Variants in ROBO2 observed in about 807,000 individuals in gnomAD.
The protein encoded by ROBO2 is roundabout guidance receptor 2.
A neutral mutation model predicts 160.8 loss-of-function variants in ROBO2; 53 were observed. The observed-to-expected ratio is 0.33, with a 90% CI of 0.26 to 0.41. ROBO2 has a LOEUF of 0.41. Ranked by LOEUF, ROBO2 falls within the 10% of genes least tolerant of loss-of-function variation. ROBO2 has a pLI of 1.00. For missense variants in ROBO2, 1,577 were observed against 1,722.4 expected (o/e 0.92, Z 1.49); for synonymous variants, 664 against 611.7 (o/e 1.09, Z -1.26).
intron 2 of ROBO2, among the ~76,000 whole-genome samples, chr3:76,214,164 A>G (rs1281687023): frequency 4.6e-5 from 7 of 152,198 alleles, no homozygotes; most frequent in Admixed American, 2.6e-4. Flanking sequence ...TTGCTCTTCA[A>G]ATAAAGACAA....
chr3:76,371,129 T>C (rs2076078346), intron 2 of ROBO2, among the ~76,000 whole-genome samples: 1 of 151,972 alleles, frequency 6.6e-6, no homozygotes, highest in Non-Finnish European at 1.5e-5. Flanking sequence ...TGTATGTGTA[T>C]ACATTTATGA....
intron 2 of ROBO2, among the ~76,000 whole-genome samples, chr3:76,446,509 A>C (rs1205581415): frequency 6.6e-6 from 1 of 152,128 alleles, no homozygotes; most frequent in African/African-American, 2.4e-5. Context: ...CAAGCTACCA[A>C]TGACTTTCTT....
chr3:75,923,372 GC>G (rs1204766608), intron 1 of ROBO2, among the ~76,000 whole-genome samples: 2 of 152,174 alleles, frequency 1.3e-5, no homozygotes, highest in Admixed American at 6.5e-5. Flanking sequence ...ATATGTTTCT[GC>G]ATTTACACAG....
At chr3:76,863,720 G>T (rs2071065582) in intron 2 of ROBO2, among the ~76,000 whole-genome samples, 1 of 151,934 alleles carries the variant, frequency 6.6e-6, no homozygotes, top group African/African-American at 2.4e-5. Flanking sequence ...TGAATTGCTA[G>T]CCATATGAAA....
At chr3:76,168,588 C>A (rs2072921003) in intron 2 of ROBO2, among the ~76,000 whole-genome samples, 2 of 152,094 alleles carry the variant, frequency 1.3e-5, no homozygotes, top group African/African-American at 4.8e-5. Flanking sequence ...TCATCCCTTA[C>A]AAATCCACAT....
intron 2 of ROBO2, among the ~76,000 whole-genome samples, chr3:76,283,355 A>G (rs62261400): frequency 0.024 from 3,674 of 151,510 alleles, 62 homozygotes; most frequent in South Asian, 0.066. Context: ...TAACAGTCTC[A>G]TATGCAATAG....
intron 2 of ROBO2, among the ~76,000 whole-genome samples, chr3:77,412,226 A>C (rs1419904914): frequency 2.0e-5 from 3 of 152,168 alleles, no homozygotes; most frequent in Non-Finnish European, 4.4e-5. Flanking sequence ...TCCCTGACAA[A>C]AGGACAAAGC....
At chr3:76,356,644 C>T (rs13068118) in intron 2 of ROBO2, among the ~76,000 whole-genome samples, 69,669 of 151,224 alleles carry the variant, frequency 0.46, 17,971 homozygotes, top group East Asian at 0.66. Context: ...CTTCACAAAG[C>T]CAAAAATTGA....
intron 25 of ROBO2, among the ~76,000 whole-genome samples, chr3:77,645,510 C>T (rs1193484645): frequency 6.6e-6 from 1 of 152,134 alleles, no homozygotes; most frequent in East Asian, 1.9e-4. Context: ...AAATGTTGAA[C>T]TCCTTGTGTT....
intron 2 of ROBO2, among the ~76,000 whole-genome samples, chr3:76,442,555 A>G (rs1429531567): frequency 1.3e-5 from 2 of 152,144 alleles, no homozygotes; most frequent in Non-Finnish European, 2.9e-5. Context: ...CCCTTTATTC[A>G]CGGTTTCACT....
At chr3:76,297,706 TAAAAAA>T (rs71277576) in intron 2 of ROBO2, among the ~76,000 whole-genome samples, 4 of 56,660 alleles carry the variant, frequency 7.1e-5, no homozygotes, top group Non-Finnish European at 1.1e-4. Context: ...CTGCTTTCCT[TAAAAAA>T]AAAAAAAAAA....
intron 2 of ROBO2, among the ~76,000 whole-genome samples, chr3:76,414,952 T>A (rs550493525): frequency 4.6e-5 from 7 of 152,208 alleles, no homozygotes; most frequent in African/African-American, 1.4e-4. Flanking sequence ...TCAATTGAAT[T>A]TCTGTCCTCA....
At chr3:77,206,727 A>C (rs1327347077) in intron 2 of ROBO2, among the ~76,000 whole-genome samples, 1 of 152,268 alleles carries the variant, frequency 6.6e-6, no homozygotes, top group Admixed American at 6.5e-5. Context: ...GCATGAAATT[A>C]ATTTAGTAGT....
At chr3:77,479,535 A>C (rs1282716923) in intron 3 of ROBO2, among the ~76,000 whole-genome samples, 4 of 152,118 alleles carry the variant, frequency 2.6e-5, no homozygotes, top group Non-Finnish European at 5.9e-5. Flanking sequence ...AGTGCTCAGA[A>C]AGCCAAAGCA....
intron 2 of ROBO2, among the ~76,000 whole-genome samples, chr3:75,949,459 C>A (rs1034423335): frequency 6.6e-6 from 1 of 152,068 alleles, no homozygotes; most frequent in Admixed American, 6.6e-5. Flanking sequence ...ACTGATTTCA[C>A]ATGTCATGTA....
chr3:76,271,840 A>C (rs1456678347), intron 2 of ROBO2, among the ~76,000 whole-genome samples: 1 of 152,024 alleles, frequency 6.6e-6, no homozygotes, highest in Non-Finnish European at 1.5e-5. Flanking sequence ...ATAAAATCAG[A>C]CTCGATAAAT....
At chr3:75,976,286 A>G (rs1013847554) in intron 2 of ROBO2, among the ~76,000 whole-genome samples, 1 of 151,658 alleles carries the variant, frequency 6.6e-6, no homozygotes, top group East Asian at 1.9e-4. Flanking sequence ...ATAGCCACAC[A>G]CTGGAGATCA....
At chr3:76,965,669 T>C (rs1469188863) in intron 2 of ROBO2, among the ~76,000 whole-genome samples, 1 of 122,748 alleles carries the variant, frequency 8.1e-6, no homozygotes, top group African/African-American at 2.8e-5. Context: ...CTATCAAAGG[T>C]AAAAAAAAAA....
intron 2 of ROBO2, among the ~76,000 whole-genome samples, chr3:76,253,261 AG>A (rs1410726428): frequency 2.0e-5 from 3 of 151,912 alleles, no homozygotes; most frequent in African/African-American, 7.3e-5. Context: ...CACTTTAAAA[AG>A]TTATGTTTAT....
Sources: gnomAD v4.1 joint callset for allele counts (sites outside exome capture counted in the v4.1 genomes callset) on GRCh38, gnomAD v4.1.1 for gene constraint, MANE v1.5 for transcripts, NCBI Gene and HGNC (gene_info 2026-07-23, HGNC 2026-07-21) for gene names.